FYB1: variants seen among roughly 807,000 people sequenced by gnomAD.
The protein encoded by FYB1 is FYN binding protein 1, also known as FYN-binding protein 1.
A neutral mutation model predicts 94.1 loss-of-function variants in FYB1; 41 were observed. That is an observed-to-expected ratio of 0.44 (90% CI 0.34 to 0.57). The LOEUF (loss-of-function observed/expected upper bound fraction) is 0.57, where lower values mean the gene tolerates loss of function less well. FYB1 is among the 20% of genes least tolerant of loss of function. The pLI is 0.02. For synonymous variants in FYB1, 367 were observed against 353.2 expected (o/e 1.04, Z -0.44); for missense variants, 1,050 against 976.8 (o/e 1.07, Z -1.00).
In FYB1 at chr5:39,127,689, T is replaced by C. The variant is rs1356336102; in HGVS notation, c.1907+52A>G. The C allele has an allele frequency of 7.3e-6, 11 of 1,500,462 alleles. No homozygotes were observed. In the Admixed American group the frequency reaches 1.5e-4, roughly 21 times the overall value. The allele number at this position is 1,500,462 out of a possible 1,614,324, so 92.9% of individuals were successfully genotyped here. On this transcript the variant is annotated intron_variant, in intron 11 of 18. Coordinates refer to ENST00000512982, the MANE Select transcript of FYB1 (RefSeq NM_001465.6). ...ATTTTAACTGGAAATCAAAACTAAA[T>C]TTCAATGTATATATAATAATTTGCA...
intron 9 of FYB1, among the ~76,000 whole-genome samples, chr5:39,132,254 T>A (rs1377068639): frequency 6.6e-6 from 1 of 152,188 alleles, no homozygotes; most frequent in East Asian, 1.9e-4. Flanking sequence ...AGGGAGAAGA[T>A]GATGCCTTCT....
At chr5:39,154,323 T>C (rs896951207) in intron 2 of FYB1, among the ~76,000 whole-genome samples, 12 of 152,180 alleles carry the variant, frequency 7.9e-5, no homozygotes, top group Non-Finnish European at 1.6e-4. Context: ...TCTGGTTTCA[T>C]ATATTGGGCT....
At chr5:39,204,009 C>A (rs770846288) in intron 1 of FYB1, among the ~76,000 whole-genome samples, 8 of 152,072 alleles carry the variant, frequency 5.3e-5, no homozygotes, top group Non-Finnish European at 1.0e-4. Context: ...TGAAGTTAAC[C>A]AATGTGGCCA....
rs762447622 is a variant in FYB1, at chr5:39,202,032, G to A, written c.929C>T (p.Pro310Leu). The A allele has an allele frequency of 6.2e-7, 1 of 1,614,030 alleles. No homozygotes were observed. Among genetic ancestry groups the A allele is most frequent in the Non-Finnish European group, 8.5e-7 (1 of 1,179,882 alleles). The change falls in exon 2 of 19, where the codon CCT (proline) becomes CTT (leucine). Residue 310 changes from proline to leucine, a missense_variant. Coordinates refer to ENST00000512982, the MANE Select transcript of FYB1 (RefSeq NM_001465.6). ...AGAAGGGGCCTTAGGGAACCTGGCAGGAGGAGTCCCTGAGGCCAACTCTTC... is the reference window on the plus strand; with the variant it reads ...AGAAGGGGCCTTAGGGAACCTGGCAAGAGGAGTCCCTGAGGCCAACTCTTC... ...NQEELASGTP[P>L]ARFPKAPSKL...
intron 1 of FYB1, among the ~76,000 whole-genome samples, chr5:39,232,678 T>A (rs1204489082): frequency 6.6e-6 from 1 of 151,498 alleles, no homozygotes; most frequent in Non-Finnish European, 1.5e-5. Flanking sequence ...TAACTCGTCA[T>A]CTAGCATTAG....
intron 1 of FYB1, among the ~76,000 whole-genome samples, chr5:39,255,868 C>T (rs1042241704): frequency 9.9e-5 from 15 of 152,240 alleles, no homozygotes; most frequent in Admixed American, 9.8e-4. Flanking sequence ...AAGAGCTACT[C>T]AGAGAACTTG....
chr5:39,137,865 G>A, intron 6 of FYB1, 145 bp from the exon 7 acceptor site: 1 of 992,078 alleles, frequency 1.0e-6, no homozygotes, highest in East Asian at 2.7e-5. Flanking sequence ...TCAAAATCCG[G>A]AATGTGTGAG....
At chr5:39,154,507 T>G (rs1743566989) in intron 2 of FYB1, among the ~76,000 whole-genome samples, 1 of 148,874 alleles carries the variant, frequency 6.7e-6, no homozygotes, top group Non-Finnish European at 1.5e-5. Flanking sequence ...CATTTTCCTT[T>G]TTTTTTTTTT....
intron 3 of FYB1, among the ~76,000 whole-genome samples, chr5:39,146,303 C>T (rs1236785672): frequency 6.6e-6 from 1 of 152,192 alleles, no homozygotes. Flanking sequence ...TGCTTCTCTG[C>T]ATCATCCATC....
chr5:39,174,962 T>A (rs1410642106), intron 2 of FYB1, among the ~76,000 whole-genome samples: 2 of 152,232 alleles, frequency 1.3e-5, no homozygotes, highest in African/African-American at 4.8e-5. Context: ...TCTCAGCTTT[T>A]CTTTGTGATG....
chr5:39,139,136 T>G lies in FYB1; in HGVS notation c.1359+97A>C, dbSNP rs574721091. The stretch of plus-strand genomic sequence containing the variant: ...AAAAATATCATTGCTCATAAGGATT[T>G]TCATTTGTTTGTTTTGTACCAATAC... On this transcript the variant is annotated intron_variant, in intron 5 of 18. Transcript: ENST00000512982. 9 of 1,207,218 alleles carry G rather than the reference T, an allele frequency of 7.5e-6. No individual in the cohort carries two copies. The African/African-American group carries it at 1.4e-4, about 19-fold the overall frequency. The allele number at this position is 1,207,218 out of a possible 1,614,324, so 74.8% of individuals were successfully genotyped here.
intron 1 of FYB1, among the ~76,000 whole-genome samples, chr5:39,273,437 C>T (rs1436395762): frequency 1.3e-5 from 2 of 152,152 alleles, no homozygotes; most frequent in African/African-American, 4.8e-5. Context: ...TCAAACATCA[C>T]ATATGTGAGT....
At position 39,134,328 on chromosome 5, in the gene FYB1, G is replaced by T; in HGVS notation, c.1697C>A (p.Ala566Asp). 1 of 1,608,804 alleles carries T rather than the reference G, an allele frequency of 6.2e-7. No individual in the cohort carries two copies. Residue 566 changes from alanine (A) to aspartate (D), a missense_variant, in exon 9 of 19, where the codon GCT (alanine) becomes GAT (aspartate). Physicochemically the swap from Ala to Asp is moderately radical, Grantham distance 126. Transcript: ENST00000512982. ...CAAAGAATCATAGTCAATCTCTACA[G>T]CAGTTGTTTTAATATAGCCATCTAC... The part of the protein sequence containing the change: ...RGSYGYIKTT[A>D]VEIDYDSLKL...
intron 1 of FYB1, chr5:39,208,885 A>G: frequency 6.6e-6 from 1 of 152,224 alleles, no homozygotes; most frequent in East Asian, 1.9e-4. Context: ...CAGGAAGCAC[A>G]CTGGCAAAAA....
intron 2 of FYB1, among the ~76,000 whole-genome samples, chr5:39,168,455 A>G (rs951453158): frequency 3.3e-5 from 5 of 152,180 alleles, no homozygotes; most frequent in Admixed American, 6.5e-5. Context: ...ATAATGTAAA[A>G]AATTGTGTAA....
At chr5:39,188,750 C>G (rs1747087148) in intron 2 of FYB1, among the ~76,000 whole-genome samples, 1 of 151,980 alleles carries the variant, frequency 6.6e-6, no homozygotes, top group South Asian at 2.1e-4. Context: ...CCAGGCTGGT[C>G]TCGAACTCCT....
chr5:39,199,037 A>C (rs1181595212), intron 2 of FYB1, among the ~76,000 whole-genome samples: 2 of 151,906 alleles, frequency 1.3e-5, no homozygotes, highest in Admixed American at 6.6e-5. Context: ...AATTACACTT[A>C]ATAAAGAATT....
chr5:39,128,631 G>A (rs1014493276), intron 10 of FYB1, among the ~76,000 whole-genome samples: 1 of 152,084 alleles, frequency 6.6e-6, no homozygotes, highest in East Asian at 1.9e-4. Flanking sequence ...CATTGGAGTG[G>A]AGTCACCATA....
At chr5:39,184,687 T>C (rs1310538898) in intron 2 of FYB1, among the ~76,000 whole-genome samples, 2 of 152,172 alleles carry the variant, frequency 1.3e-5, no homozygotes, top group African/African-American at 4.8e-5. Flanking sequence ...CTGAAGTAAC[T>C]TCCATCAGTT....
Sources: allele counts gnomAD v4.1 joint callset (sites outside exome capture counted in the v4.1 genomes callset), GRCh38; gene constraint gnomAD v4.1.1; transcripts MANE v1.5; gene names NCBI Gene and HGNC (gene_info 2026-07-23, HGNC 2026-07-21).